Variants in SND1 observed in about 807,000 individuals in gnomAD.
SND1 encodes the protein staphylococcal nuclease and tudor domain containing 1.
A neutral mutation model predicts 121.7 loss-of-function variants in SND1; 38 were observed. The ratio of observed to expected loss-of-function variants is 0.31; its 90% CI spans 0.24 to 0.41. The LOEUF is 0.41. Ranked by LOEUF, SND1 falls within the 10% of genes least tolerant of loss-of-function variation. The pLI, the probability that SND1 is intolerant of heterozygous loss-of-function variation, is 1.00. For missense variants in SND1, 868 were observed against 1,184.6 expected (o/e 0.73, Z 3.92); for synonymous variants, 401 against 447.4 (o/e 0.90, Z 1.31).
intron 1 of SND1, among the ~76,000 whole-genome samples, chr7:127,654,354 A>G (rs1025775095): frequency 3.9e-5 from 6 of 152,218 alleles, no homozygotes; most frequent in African/African-American, 1.4e-4. Flanking sequence ...GAGGTTTAGA[A>G]AGAATAGTTA....
At chr7:128,069,450 T>G (rs1426422485) in intron 16 of SND1, among the ~76,000 whole-genome samples, 1 of 152,146 alleles carries the variant, frequency 6.6e-6, no homozygotes, top group Non-Finnish European at 1.5e-5. Flanking sequence ...ACCCAAAAAT[T>G]CACAGCTAGG....
At chr7:127,881,118 T>A (rs1394566147) in intron 12 of SND1, among the ~76,000 whole-genome samples, 1 of 152,078 alleles carries the variant, frequency 6.6e-6, no homozygotes, top group African/African-American at 2.4e-5. Flanking sequence ...AACCTTTGTT[T>A]CTGTGCAGCT....
At chr7:127,792,495 A>G (rs947213673) in intron 10 of SND1, among the ~76,000 whole-genome samples, 3 of 152,234 alleles carry the variant, frequency 2.0e-5, no homozygotes, top group Admixed American at 6.5e-5. Flanking sequence ...AGATATGGGA[A>G]TACTAACAAG....
At chr7:127,787,662 C>T (rs1331976431) in intron 10 of SND1, among the ~76,000 whole-genome samples, 1 of 152,232 alleles carries the variant, frequency 6.6e-6, no homozygotes, top group Non-Finnish European at 1.5e-5. Context: ...TTCCTTCTCT[C>T]TCTGTTCTTC....
Position 128,029,247 on chromosome 7 carries a change from G to A in SND1, c.1779+38191G>A. 4.3e-6 allele frequency: 7 copies of A among 1,614,156 alleles called. No homozygotes were observed. The highest frequency in any genetic ancestry group is 1.7e-5 in the Admixed American group (1 of 60,028). On this transcript the variant is annotated intron_variant, in intron 16 of 23. Coordinates refer to ENST00000354725, the MANE Select transcript of SND1 (RefSeq NM_014390.4). This position sits in a 1 kb window ranked among gnomAD's most constrained non-coding sequence, Gnocchi z 4.2. ...GTACTTTCGCGTTGTGTCCTCAGGCGAGATCTCCGTGGTCTCCACTGTTAC... is the reference window on the plus strand; with the variant it reads ...GTACTTTCGCGTTGTGTCCTCAGGCAAGATCTCCGTGGTCTCCACTGTTAC...
intron 9 of SND1, chr7:127,718,839 G>A (rs1010147375): frequency 4.3e-6 from 3 of 696,658 alleles, no homozygotes; most frequent in South Asian, 6.4e-5. Flanking sequence ...GATATTTCTC[G>A]TGTCTTGATT....
intron 12 of SND1, among the ~76,000 whole-genome samples, chr7:127,869,145 G>A (rs900524690): frequency 1.1e-4 from 17 of 152,146 alleles, no homozygotes; most frequent in African/African-American, 4.1e-4. Context: ...AGTCAGGGAG[G>A]CCTCAGTGGC....
chr7:127,986,191 C>T (rs1443690531), intron 15 of SND1, among the ~76,000 whole-genome samples: 1 of 152,200 alleles, frequency 6.6e-6, no homozygotes, highest in Non-Finnish European at 1.5e-5. Context: ...TTACAGAGCC[C>T]ATTGTCTTGT....
At chr7:128,066,462 G>A (rs140015691) in intron 16 of SND1, among the ~76,000 whole-genome samples, 98 of 152,300 alleles carry the variant, frequency 6.4e-4, no homozygotes, top group East Asian at 3.7e-3. Context: ...GAGCAGAGGC[G>A]TCAGTGGGGA....
intron 1 of SND1, among the ~76,000 whole-genome samples, chr7:127,660,110 T>C (rs755096174): frequency 6.6e-6 from 1 of 151,884 alleles, no homozygotes; most frequent in Non-Finnish European, 1.5e-5. Flanking sequence ...GACTAAATGA[T>C]TGAATGGTGG....
Position 127,724,018 on chromosome 7 carries a change from C to T in SND1, c.1152+2618C>T, listed in dbSNP as rs149945744. On this transcript the variant is annotated intron_variant, in intron 10 of 23. Coordinates refer to ENST00000354725, the MANE Select transcript of SND1 (RefSeq NM_014390.4). ...TCAAGGACTCAATAGGCACATGAGG[C>T]TAGTGGCTACCATTATGGATAGCAC... Among the ~76,000 whole-genome samples, 1,015 of 152,266 alleles carry T rather than the reference C, an allele frequency of 6.7e-3. 8 individuals carry two copies. Among genetic ancestry groups the T allele is most frequent in the Admixed American group, 9.7e-3 (149 of 15,304 alleles).
At chr7:127,759,101 G>GATA (rs58270366) in intron 10 of SND1, among the ~76,000 whole-genome samples, 2 of 152,042 alleles carry the variant, frequency 1.3e-5, no homozygotes, top group Non-Finnish European at 2.9e-5. Flanking sequence ...TAGATAGATA[G>GATA]GCAGGCAGGC....
At chr7:127,901,683 C>T (rs1007913598) in intron 13 of SND1, among the ~76,000 whole-genome samples, 1 of 152,144 alleles carries the variant, frequency 6.6e-6, no homozygotes, top group Non-Finnish European at 1.5e-5. Context: ...TTTTGCTTCT[C>T]TTTCATGAAG....
At chr7:127,931,781 A>C (rs1800960057) in intron 15 of SND1, among the ~76,000 whole-genome samples, 2 of 152,352 alleles carry the variant, frequency 1.3e-5, no homozygotes, top group South Asian at 4.1e-4. Context: ...GAATGATGCT[A>C]AATCTACTCT....
chr7:127,833,337 C>T (rs1798799455), intron 11 of SND1, among the ~76,000 whole-genome samples: 1 of 148,034 alleles, frequency 6.8e-6, no homozygotes, highest in Admixed American at 6.8e-5. Context: ...TCGATGTTGG[C>T]TCGCCGCAAC....
intron 10 of SND1, among the ~76,000 whole-genome samples, chr7:127,743,795 T>C (rs929595108): frequency 9.9e-5 from 15 of 152,190 alleles, no homozygotes; most frequent in African/African-American, 3.4e-4. Flanking sequence ...CAGGCTTGGG[T>C]TATTTCACAG....
chr7:127,720,902 T>C (rs773587486), intron 9 of SND1, among the ~76,000 whole-genome samples: 1 of 152,218 alleles, frequency 6.6e-6, no homozygotes. Flanking sequence ...AACCCTTGCC[T>C]CTTTTTCTAG....
intron 10 of SND1, among the ~76,000 whole-genome samples, chr7:127,796,005 CCAT>C (rs1798015927): frequency 6.6e-6 from 1 of 151,932 alleles, no homozygotes; most frequent in Non-Finnish European, 1.5e-5. Context: ...CTACGGGCGC[CCAT>C]CACCACTACC....
At chr7:127,815,105 G>A (rs1409659802) in intron 11 of SND1, among the ~76,000 whole-genome samples, 1 of 152,108 alleles carries the variant, frequency 6.6e-6, no homozygotes, top group African/African-American at 2.4e-5. Context: ...AAGTGTAACA[G>A]TTCTATCCCA....
Sources: allele counts gnomAD v4.1 joint callset (sites outside exome capture counted in the v4.1 genomes callset), GRCh38; gene constraint gnomAD v4.1.1; non-coding constraint Gnocchi (gnomAD v3.1); transcripts MANE v1.5; gene names NCBI Gene and HGNC (gene_info 2026-07-23, HGNC 2026-07-21).